The following LRP1B variants were observed in gnomAD, a reference collection of about 807,000 sequenced individuals.
The protein encoded by LRP1B is low-density lipoprotein receptor-related protein 1B.
Under a neutral mutation model 556.6 loss-of-function variants are expected in LRP1B, and 217 were observed. The observed-to-expected ratio is 0.39, with a 90% CI of 0.35 to 0.44. The LOEUF is 0.44. Among genes scored for constraint, LRP1B ranks in the 20% least tolerant of loss-of-function variants. LRP1B has a pLI of 1.00. For missense variants in LRP1B, 5,053 were observed against 5,620.8 expected (o/e 0.90, Z 3.23); for synonymous variants, 2,047 against 1,865.8 (o/e 1.10, Z -2.50).
intron 3 of LRP1B, among the ~76,000 whole-genome samples, chr2:141,298,045 C>G (rs1176573393): frequency 6.6e-6 from 1 of 152,120 alleles, no homozygotes; most frequent in Non-Finnish European, 1.5e-5. Flanking sequence ...CAAAGCATGA[C>G]TATATGGTGA....
At chr2:141,460,067 C>T (rs1186018804) in intron 3 of LRP1B, among the ~76,000 whole-genome samples, 1 of 152,110 alleles carries the variant, frequency 6.6e-6, no homozygotes, top group Non-Finnish European at 1.5e-5. Flanking sequence ...ACTCAGAAAC[C>T]TAAATTTTAG....
At chr2:140,398,541 T>TTGTTGTTTTTG (rs1444977230) in intron 66 of LRP1B, among the ~76,000 whole-genome samples, 1 of 152,246 alleles carries the variant, frequency 6.6e-6, no homozygotes, top group Non-Finnish European at 1.5e-5. Flanking sequence ...GTTGTTTTTG[T>TTGTTGTTTTTG]TTTGAGAAAG....
At chr2:141,759,588 C>T (rs1352117786) in intron 2 of LRP1B, among the ~76,000 whole-genome samples, 3 of 152,056 alleles carry the variant, frequency 2.0e-5, no homozygotes, top group Admixed American at 1.3e-4. Context: ...TTAAAAGAGC[C>T]TAACATGTTA....
At chr2:141,096,628 G>GA (rs1558858128) in intron 7 of LRP1B, among the ~76,000 whole-genome samples, 12,440 of 33,386 alleles carry the variant, frequency 0.37, 2,826 homozygotes, top group Non-Finnish European at 0.42. Context: ...CGGGGAGAGG[G>GA]GGAGAGAGAG....
At chr2:141,643,839 C>G (rs1379058749) in intron 2 of LRP1B, among the ~76,000 whole-genome samples, 1 of 152,096 alleles carries the variant, frequency 6.6e-6, no homozygotes, top group African/African-American at 2.4e-5. Flanking sequence ...TCTAACTTCT[C>G]TAATTCTTAG....
chr2:140,585,417 T>C (rs1370702032), intron 43 of LRP1B, among the ~76,000 whole-genome samples: 2 of 152,130 alleles, frequency 1.3e-5, no homozygotes, highest in South Asian at 4.1e-4. Flanking sequence ...TACTGCTTCC[T>C]GAAAAGCAGT....
intron 31 of LRP1B, among the ~76,000 whole-genome samples, chr2:140,832,690 T>C (rs1180038428): frequency 3.3e-5 from 5 of 152,106 alleles, no homozygotes; most frequent in Non-Finnish European, 7.4e-5. Flanking sequence ...GCTAAAAAAG[T>C]AGATCTCTTG....
At chr2:140,365,142 A>G (rs1268141584) in intron 71 of LRP1B, among the ~76,000 whole-genome samples, 1 of 151,622 alleles carries the variant, frequency 6.6e-6, no homozygotes, top group African/African-American at 2.4e-5. Flanking sequence ...ATTATTTAAA[A>G]TTTGTGTCTT....
At chr2:142,019,299 G>GT (rs1703254147) in intron 1 of LRP1B, among the ~76,000 whole-genome samples, 1 of 152,258 alleles carries the variant, frequency 6.6e-6, no homozygotes, top group East Asian at 1.9e-4. Flanking sequence ...CGTTAGTTCA[G>GT]TAGTTTAGTG....
intron 2 of LRP1B, among the ~76,000 whole-genome samples, chr2:141,685,727 C>T (rs1460429867): frequency 6.6e-6 from 1 of 152,018 alleles, no homozygotes; most frequent in Non-Finnish European, 1.5e-5. Context: ...CCAAGGAATG[C>T]TGGCAGCCTC....
intron 66 of LRP1B, among the ~76,000 whole-genome samples, chr2:140,412,647 T>C (rs1275686140): frequency 1.3e-5 from 2 of 152,186 alleles, no homozygotes; most frequent in South Asian, 2.1e-4. Flanking sequence ...TAATTGTACA[T>C]AATTCTCTCA....
intron 43 of LRP1B, among the ~76,000 whole-genome samples, chr2:140,588,314 G>A (rs1682069249): frequency 6.6e-6 from 1 of 152,138 alleles, no homozygotes; most frequent in East Asian, 1.9e-4. Context: ...AACATAAAGG[G>A]ATGTAAAGTT....
intron 32 of LRP1B, among the ~76,000 whole-genome samples, chr2:140,785,917 A>C (rs949351773): frequency 6.6e-6 from 1 of 152,136 alleles, no homozygotes; most frequent in Non-Finnish European, 1.5e-5. Context: ...CCCCAGTCTA[A>C]ATTGCCCACT....
intron 2 of LRP1B, among the ~76,000 whole-genome samples, chr2:141,622,740 T>G (rs1688547602): frequency 6.6e-6 from 1 of 152,200 alleles, no homozygotes; most frequent in African/African-American, 2.4e-5. Context: ...TCCTATTTTT[T>G]GCGTGCTGCT....
At chr2:141,900,761 C>A (rs1268588798) in intron 1 of LRP1B, among the ~76,000 whole-genome samples, 1 of 151,698 alleles carries the variant, frequency 6.6e-6, no homozygotes, top group African/African-American at 2.4e-5. Flanking sequence ...TAAATATAAC[C>A]AAAGTACACT....
chr2:141,509,190 A>C (rs1165674026), intron 2 of LRP1B, among the ~76,000 whole-genome samples: 1 of 152,206 alleles, frequency 6.6e-6, no homozygotes, highest in Non-Finnish European at 1.5e-5. Context: ...TATTGCATGG[A>C]AACTGGAGAT....
chr2:141,596,924 G>A (rs1457886299), intron 2 of LRP1B, among the ~76,000 whole-genome samples: 3 of 151,810 alleles, frequency 2.0e-5, no homozygotes, highest in Non-Finnish European at 4.4e-5. Context: ...GTTATTTTAT[G>A]AACATTACCA....
chr2:141,171,268 G>T (rs1308707219), intron 7 of LRP1B, among the ~76,000 whole-genome samples: 2 of 152,030 alleles, frequency 1.3e-5, no homozygotes, highest in Non-Finnish European at 2.9e-5. Context: ...CATAGGACAT[G>T]TACACATCAT....
chr2:141,517,810 C>A (rs1287515367), intron 2 of LRP1B, among the ~76,000 whole-genome samples: 1 of 152,078 alleles, frequency 6.6e-6, no homozygotes, highest in Non-Finnish European at 1.5e-5. Context: ...ATGACAGGAA[C>A]TATTATAATA....
Sources: gnomAD v4.1 joint callset for allele counts (sites outside exome capture counted in the v4.1 genomes callset) on GRCh38, gnomAD v4.1.1 for gene constraint, MANE v1.5 for transcripts, NCBI Gene and HGNC (gene_info 2026-07-23, HGNC 2026-07-21) for gene names.